RTTN: variants seen among roughly 807,000 people sequenced by gnomAD.
RTTN encodes rotatin.
A neutral mutation model predicts 269.2 loss-of-function variants in RTTN; 182 were observed. The observed-to-expected ratio is 0.68, with a 90% CI of 0.60 to 0.76. The LOEUF (loss-of-function observed/expected upper bound fraction) is 0.76. Ranked by LOEUF, RTTN falls within the 30% of genes least tolerant of loss-of-function variation. RTTN has a pLI of 0.00. For synonymous variants in RTTN, 1,006 were observed against 963.5 expected (o/e 1.04, Z -0.82); for missense variants, 2,545 against 2,608.6 (o/e 0.98, Z 0.53).
At chr18:70,119,807 G>C (rs757106309) in intron 26 of RTTN, among the ~76,000 whole-genome samples, 10 of 152,140 alleles carry the variant, frequency 6.6e-5, no homozygotes, top group Non-Finnish European at 1.3e-4. Flanking sequence ...TTAAGGTTTT[G>C]TGTGCTTCTT....
At chr18:70,165,229 C>A (rs1226358790) in intron 14 of RTTN, among the ~76,000 whole-genome samples, 1 of 151,762 alleles carries the variant, frequency 6.6e-6, no homozygotes, top group East Asian at 1.9e-4. Flanking sequence ...GGTGAATGAA[C>A]TAGGCAAATC....
rs372740044 is a variant in RTTN at position 70,059,935 on chromosome 18, T to C, written c.4855A>G (p.Ser1619Gly). 3 of 1,614,052 alleles carry C rather than the reference T, an allele frequency of 1.9e-6. No individual in the cohort carries two copies. Among genetic ancestry groups the C allele is most frequent in the East Asian group, 2.2e-5 (1 of 44,882 alleles). Reference sequence around the variant, plus strand: ...ATCGTCAAGAGGTTGTCCAAGAGGCTGCACATTGCTGAAAGAAGAGATGGA... The same window carrying C: ...ATCGTCAAGAGGTTGTCCAAGAGGCCGCACATTGCTGAAAGAAGAGATGGA... ...VTPSLLSAMC[S>G]LLDNLLTIAP... Residue 1619 changes from serine (S) to glycine (G), a missense_variant, in exon 36 of 49, where the codon AGC becomes GGC. Transcript: ENST00000640769.
At chr18:70,152,500 A>G (rs1306903640) in intron 14 of RTTN, among the ~76,000 whole-genome samples, 2 of 152,212 alleles carry the variant, frequency 1.3e-5, no homozygotes, top group Non-Finnish European at 1.5e-5. Flanking sequence ...ATCATTATCA[A>G]TGAAATTATT....
At chr18:70,119,052 A>G (rs921536357) in intron 26 of RTTN, among the ~76,000 whole-genome samples, 2 of 152,124 alleles carry the variant, frequency 1.3e-5, no homozygotes, top group African/African-American at 4.8e-5. Flanking sequence ...CACCATGTCT[A>G]TTCAATATGG....
intron 28 of RTTN, among the ~76,000 whole-genome samples, chr18:70,109,264 T>C (rs970235920): frequency 6.6e-6 from 1 of 152,176 alleles, no homozygotes; most frequent in African/African-American, 2.4e-5. Flanking sequence ...TAGCGAACAC[T>C]TCCTTTGAGC....
chr18:70,021,311 A>G (rs1433596384), intron 44 of RTTN, among the ~76,000 whole-genome samples: 1 of 152,240 alleles, frequency 6.6e-6, no homozygotes, highest in African/African-American at 2.4e-5. Context: ...TTAGCATAGC[A>G]GGAGCCAAAA....
chr18:70,047,181 T>C (rs1302279469), intron 40 of RTTN, among the ~76,000 whole-genome samples: 1 of 152,196 alleles, frequency 6.6e-6, no homozygotes, highest in Non-Finnish European at 1.5e-5. Flanking sequence ...GGCTGGCTGA[T>C]TGGGAAGCTG....
chr18:70,140,298 T>C, intron 19 of RTTN, 110 bp from the exon 20 acceptor site: 1 of 634,416 alleles, frequency 1.6e-6, no homozygotes, highest in Non-Finnish European at 2.7e-6. Flanking sequence ...CTATTAAAAA[T>C]ACTTAGACCT....
intron 25 of RTTN, among the ~76,000 whole-genome samples, chr18:70,126,582 C>T (rs1162224873): frequency 1.3e-5 from 2 of 152,020 alleles, no homozygotes; most frequent in East Asian, 3.9e-4. Flanking sequence ...ACCTCAAGAA[C>T]AAAGATAACA....
At chr18:70,047,781 C>A (rs1429863801) in intron 40 of RTTN, among the ~76,000 whole-genome samples, 190 bp downstream of exon 40, 1 of 152,172 alleles carries the variant, frequency 6.6e-6, no homozygotes, top group Non-Finnish European at 1.5e-5. Context: ...AACTGGTCAA[C>A]ATAAGCGGGT....
intron 32 of RTTN, among the ~76,000 whole-genome samples, chr18:70,079,953 T>C (rs997947471): frequency 6.6e-6 from 1 of 152,046 alleles, no homozygotes; most frequent in Non-Finnish European, 1.5e-5. Context: ...GAAAAATGAA[T>C]TATTGTCATA....
At chr18:70,092,032 C>CA in intron 30 of RTTN, 78 bp downstream of exon 30, 3 of 832,872 alleles carry the variant, frequency 3.6e-6, no homozygotes, top group Non-Finnish European at 5.9e-6. Flanking sequence ...GGATTACAGG[C>CA]ATGAGCCACC....
Position 70,153,506 on chromosome 18 carries a change from C to T in RTTN, c.1930-2773G>A, listed in dbSNP as rs1395078701. ...GATGTAGGTAACATGGAAGTGGTGG[C>T]CATTTAATCATCCCTAAATTTAAAA... On this transcript the variant is annotated intron_variant, in intron 14 of 48. Coordinates refer to ENST00000640769, the MANE Select transcript of RTTN (RefSeq NM_173630.4). Among the ~76,000 whole-genome samples, 4 of 152,156 alleles carry T rather than the reference C, an allele frequency of 2.6e-5. No individual in the cohort carries two copies. In the East Asian group the frequency reaches 7.7e-4, roughly 29 times the overall value.
chr18:70,046,675 G>A (rs765613254), intron 40 of RTTN, among the ~76,000 whole-genome samples: 14 of 152,162 alleles, frequency 9.2e-5, no homozygotes, highest in Non-Finnish European at 1.6e-4. Flanking sequence ...TGAGGTAGTA[G>A]GTACAGGAAA....
chr18:70,010,544 G>A (rs1289579327), intron 46 of RTTN, among the ~76,000 whole-genome samples: 4 of 152,138 alleles, frequency 2.6e-5, no homozygotes, highest in African/African-American at 9.7e-5. Flanking sequence ...ACCAAAGAGA[G>A]CAAAGACACA....
In RTTN at chr18:70,145,668, T is replaced by A. The variant is rs1316324574; in HGVS notation, c.2425A>T (p.Ile809Phe). 1.9e-6 allele frequency: 3 copies of A among 1,612,850 alleles called. No individual in the cohort carries two copies. The highest frequency in any genetic ancestry group is 2.5e-6 in the Non-Finnish European group (3 of 1,179,370). ...RVLSRVTDLFIGKKPIELRLD... is the reference protein window; with the variant it reads ...RVLSRVTDLFFGKKPIELRLD... ...CTGAGTTCAATAGGTTTCTTCCCAA[T>A]GAATAAATCAGTAACTCTGGAGAGA... is the stretch of plus-strand genomic sequence containing the variant. The change falls in exon 18 of 49, where the codon ATT becomes TTT. Residue 809 changes from isoleucine to phenylalanine, a missense_variant. Coordinates refer to ENST00000640769, the MANE Select transcript of RTTN (RefSeq NM_173630.4).
intron 48 of RTTN, 64 bp from the exon 49 acceptor site, chr18:70,004,300 G>T: frequency 9.1e-7 from 1 of 1,092,950 alleles, no homozygotes; most frequent in Non-Finnish European, 1.4e-6. Context: ...TACTTAGGAG[G>T]CACACACATA....
chr18:70,054,974 T>C (rs572952895), intron 37 of RTTN, among the ~76,000 whole-genome samples: 5 of 151,754 alleles, frequency 3.3e-5, no homozygotes, highest in Non-Finnish European at 7.4e-5. Flanking sequence ...TAAGCAGGGG[T>C]GGGGGGAAGC....
At chr18:70,177,213 T>C (rs2061324350) in intron 10 of RTTN, among the ~76,000 whole-genome samples, 1 of 152,212 alleles carries the variant, frequency 6.6e-6, no homozygotes, top group African/African-American at 2.4e-5. Flanking sequence ...GTCAAGTATT[T>C]CTTATGCTTA....
Sources: gnomAD v4.1 joint callset for allele counts (sites outside exome capture counted in the v4.1 genomes callset) on GRCh38, gnomAD v4.1.1 for gene constraint, MANE v1.5 for transcripts, NCBI Gene and HGNC (gene_info 2026-07-23, HGNC 2026-07-21) for gene names.